Variants in RTF2 observed in about 807,000 individuals in gnomAD.
RTF2 encodes the protein replication termination factor 2.
RTF2 carries 18 observed loss-of-function variants against 38.0 expected under a neutral mutation model. That is an observed-to-expected ratio of 0.47 (90% CI 0.33 to 0.70). The LOEUF is 0.70. Among genes scored for constraint, RTF2 ranks in the 30% least tolerant of loss-of-function variants. The pLI is 0.02. For synonymous variants in RTF2, 126 were observed against 137.1 expected (o/e 0.92, Z 0.57); for missense variants, 311 against 379.6 (o/e 0.82, Z 1.50).
At chr20:56,484,317 T>A in intron 5 of RTF2, 128 bp downstream of exon 5, 1 of 771,898 alleles carries the variant, frequency 1.3e-6, no homozygotes, top group Non-Finnish European at 2.2e-6. Context: ...CTTCCATGGC[T>A]CTTGGTTGCT....
At chr20:56,491,861 T>G in intron 5 of RTF2, 2 of 1,053,316 alleles carry the variant, frequency 1.9e-6, no homozygotes, top group East Asian at 2.6e-5. Flanking sequence ...TGGCGCATGC[T>G]CCGTCCGGTG....
chr20:56,485,207 T>G lies in RTF2; in HGVS notation c.477+1018T>G, dbSNP rs934606381. Among the ~76,000 whole-genome samples, 11 of 152,190 alleles carry G rather than the reference T, an allele frequency of 7.2e-5. 1 individual carries two copies. The Middle Eastern group carries it at 0.014, about 188-fold the overall frequency. ...TAGTGGTGGTCGGCAGAGGCATATCTGGAGGTTTGAGCTGAGACCCGAAGG... is the reference window on the plus strand; with the variant it reads ...TAGTGGTGGTCGGCAGAGGCATATCGGGAGGTTTGAGCTGAGACCCGAAGG... On this transcript the variant is annotated intron_variant, in intron 5 of 8. Transcript: ENST00000357348.
chr20:56,481,973 A>G (rs1474635537), intron 4 of RTF2, among the ~76,000 whole-genome samples: 6 of 152,202 alleles, frequency 3.9e-5, no homozygotes, highest in Non-Finnish European at 7.3e-5. Flanking sequence ...CGAGCTCCAC[A>G]ATGGGGTCTC....
rs569138008 is a variant in RTF2 at position 56,513,940 on chromosome 20, TG to T, written c.591+515del. On this transcript the variant is annotated intron_variant, in intron 6 of 8. Transcript: ENST00000357348. Reference sequence around the variant, plus strand: ...TGTGCTCGGGAGGGCCCTGGCAGTCTGGGCTCCAGCAGGCCTGGGTGGGCCT... The same window carrying T: ...TGTGCTCGGGAGGGCCCTGGCAGTCTGGCTCCAGCAGGCCTGGGTGGGCCT... 494 of 155,680 alleles carry T rather than the reference TG, an allele frequency of 3.2e-3. 3 individuals are homozygous for T. Among genetic ancestry groups the T allele is most frequent in the African/African-American group, 0.011 (456 of 41,448 alleles). 9.6% of individuals were successfully genotyped at this position (155,680 alleles called of 1,614,324 possible).
intron 1 of RTF2, among the ~76,000 whole-genome samples, chr20:56,472,634 C>A (rs1021107902): frequency 6.6e-6 from 1 of 152,028 alleles, no homozygotes; most frequent in Non-Finnish European, 1.5e-5. Context: ...CGCAACTTAG[C>A]AGGCTTTCCC....
At chr20:56,497,522 A>G (rs1983632782) in intron 5 of RTF2, 2 of 1,452,084 alleles carry the variant, frequency 1.4e-6, no homozygotes, top group Non-Finnish European at 9.2e-7. Context: ...ATTCTGCAGG[A>G]GTTGGATTCC....
intron 8 of RTF2, 134 bp downstream of exon 8, chr20:56,517,335 A>C: frequency 4.3e-6 from 3 of 690,302 alleles, no homozygotes; most frequent in Non-Finnish European, 7.6e-6. Flanking sequence ...GAGTGCACTG[A>C]ACTCTCTTTA....
At chr20:56,516,124 T>C (rs1985029966) in intron 6 of RTF2, 1 of 152,258 alleles carries the variant, frequency 6.6e-6, no homozygotes, top group African/African-American at 2.4e-5. Flanking sequence ...ACTGCATGTA[T>C]ATGTTAGAAA....
At chr20:56,471,629 A>G (rs572931415) in intron 1 of RTF2, 1 of 152,294 alleles carries the variant, frequency 6.6e-6, no homozygotes, top group East Asian at 1.9e-4. Context: ...ATATGTAAAA[A>G]CTTAAAAGAA....
intron 1 of RTF2, chr20:56,471,718 C>T (rs1981981602): frequency 6.6e-6 from 1 of 152,170 alleles, no homozygotes; most frequent in Non-Finnish European, 1.5e-5. Flanking sequence ...TTTCAAAGCC[C>T]TGGATAAGGA....
chr20:56,492,658 C>A (rs937459322), intron 5 of RTF2, among the ~76,000 whole-genome samples: 1 of 151,816 alleles, frequency 6.6e-6, no homozygotes, highest in Non-Finnish European at 1.5e-5. Context: ...TTTTGACAAC[C>A]GTGTTTGGCT....
chr20:56,511,142 A>G (rs1247764283), intron 5 of RTF2, among the ~76,000 whole-genome samples: 7 of 152,164 alleles, frequency 4.6e-5, no homozygotes, highest in Non-Finnish European at 2.9e-5. Flanking sequence ...TAAAGTTTAA[A>G]TAAAAATTAT....
chr20:56,488,099 G>A (rs147004872), intron 5 of RTF2, among the ~76,000 whole-genome samples: 1,972 of 152,252 alleles, frequency 0.013, 54 homozygotes, highest in African/African-American at 0.045. Context: ...GGTGGCTCAC[G>A]CCTGTAATCT....
chr20:56,498,907 T>C (rs1484232308), intron 5 of RTF2, among the ~76,000 whole-genome samples: 1 of 152,222 alleles, frequency 6.6e-6, no homozygotes, highest in African/African-American at 2.4e-5. Context: ...TTTTTACAAA[T>C]GCTGTTTGGA....
chr20:56,514,521 G>T (rs898853457), intron 6 of RTF2, among the ~76,000 whole-genome samples: 4 of 152,166 alleles, frequency 2.6e-5, no homozygotes, highest in Admixed American at 6.5e-5. Flanking sequence ...ACCAGTGCCA[G>T]TCCGAGGCGA....
rs775504500 is a variant in RTF2 at position 56,477,056 on chromosome 20, G to A, written c.330G>A (p.Lys110=). 1.9e-6 allele frequency: 3 copies of A among 1,614,102 alleles called. No individual in the cohort carries two copies. The highest frequency in any genetic ancestry group is 1.6e-4 in the Middle Eastern group (1 of 6,062). ...EGDKGNTKGD[K]HDDLQRARFI... ...ATAAAGGAAACACTAAAGGTGACAAGCACGATGACCTCCAGCGGGCGCGTT... is the reference window on the plus strand; with the variant it reads ...ATAAAGGAAACACTAAAGGTGACAAACACGATGACCTCCAGCGGGCGCGTT... The change falls in exon 4 of 9, where the codon AAG becomes AAA. Residue 110 remains lysine (K), a synonymous_variant. Transcript: ENST00000357348.
chr20:56,513,285 A>C (rs769651479), intron 5 of RTF2, 30 bp from the exon 6 acceptor site: 12 of 1,567,066 alleles, frequency 7.7e-6, no homozygotes, highest in Non-Finnish European at 1.0e-5. Flanking sequence ...CTGGTGATGG[A>C]ATCTGCCCTC....
At chr20:56,470,571 G>A in intron 1 of RTF2, 1 of 455,952 alleles carries the variant, frequency 2.2e-6, no homozygotes, top group Non-Finnish European at 4.4e-6. Flanking sequence ...AATTTCCTGG[G>A]TGACGGGATC....
chr20:56,513,012 G>C (rs1984783360), intron 5 of RTF2, among the ~76,000 whole-genome samples: 1 of 152,160 alleles, frequency 6.6e-6, no homozygotes, highest in Non-Finnish European at 1.5e-5. Flanking sequence ...TCATACAAAA[G>C]GGTCTAGGCA....
Sources: allele counts gnomAD v4.1 joint callset (sites outside exome capture counted in the v4.1 genomes callset), GRCh38; gene constraint gnomAD v4.1.1; transcripts MANE v1.5; gene names NCBI Gene and HGNC (gene_info 2026-07-23, HGNC 2026-07-21).